RAPGEF6: variants seen among roughly 807,000 people sequenced by gnomAD.
The protein encoded by RAPGEF6 is PDZ domain containing guanine nucleotide exchange factor (GEF) 2.
In RAPGEF6, 56 loss-of-function variants were observed where a neutral mutation model predicts 171.4. The observed-to-expected ratio is 0.33, with a 90% CI of 0.26 to 0.41. The LOEUF (loss-of-function observed/expected upper bound fraction) is 0.41. RAPGEF6 is among the 10% of genes least tolerant of loss of function. RAPGEF6 has a pLI of 1.00. For missense variants in RAPGEF6, 1,674 were observed against 1,921.4 expected (o/e 0.87, Z 2.41); for synonymous variants, 692 against 650.1 (o/e 1.06, Z -0.98).
Position 131,504,681 on chromosome 5 carries a change from T to G in RAPGEF6, c.1199A>C (p.His400Pro). 6.2e-7 allele frequency: 1 copy of G among 1,614,034 alleles called. No homozygotes were observed. Residue 400 changes from histidine (H) to proline (P), a missense_variant, in exon 11 of 28, where the codon CAT (histidine) becomes CCT (proline). His to Pro is a moderately conservative substitution (Grantham distance 77). This residue lies in a region of RAPGEF6 where 1,116 missense variants were observed against 1,321.5 expected (regional missense o/e 0.84). Transcript: ENST00000509018. The stretch of plus-strand genomic sequence containing the variant: ...ACTCCGGTCTAGTTCCCGATGCTCA[T>G]GTACCATAACAATTTCTCCCTCTTC... Reference protein sequence around the residue: ...VEEEGEIVMVHEHRELDRSGT... With the variant: ...VEEEGEIVMVPEHRELDRSGT...
At chr5:131,493,307 G>A (rs1483863064) in intron 13 of RAPGEF6, among the ~76,000 whole-genome samples, 3 of 152,002 alleles carry the variant, frequency 2.0e-5, no homozygotes, top group African/African-American at 7.2e-5. Flanking sequence ...CTCGTGATCC[G>A]CCTGTCTCGG....
rs1752246209 is a variant in RAPGEF6 at position 131,439,562 on chromosome 5, T to C, written c.3745+19A>G. The C allele has an allele frequency of 6.3e-7, 1 of 1,595,628 alleles. No individual in the cohort carries two copies. ...ATTGTTTAGTTTAACAAGAACTAGT[T>C]TGAAATGTTTTGTCTTACCTTTGTG... On this transcript the variant is annotated intron_variant, in intron 24 of 27. Coordinates refer to ENST00000509018, the MANE Select transcript of RAPGEF6 (RefSeq NM_016340.6).
Position 131,424,357 on chromosome 5 carries a change from T to C in RAPGEF6, c.*2909A>G, listed in dbSNP as rs1311377340. 1 of 152,376 alleles carries C rather than the reference T, an allele frequency of 6.6e-6. No individual in the cohort carries two copies. Among genetic ancestry groups the C allele is most frequent in the Non-Finnish European group, 1.5e-5 (1 of 68,034 alleles). 9.4% of individuals were successfully genotyped at this position (152,376 alleles called of 1,614,324 possible). A position where few individuals can be genotyped will look rare whatever the true frequency, so the allele number is the denominator to read the frequency against. ...TGTACTGTGACACTTTTGACACTTT[T>C]CTGAAGATTTATCCCGTTTTTCTAG... is the stretch of plus-strand genomic sequence containing the variant. On this transcript the variant is annotated 3_prime_UTR_variant, in exon 28 of 28. Coordinates refer to ENST00000509018, the MANE Select transcript of RAPGEF6 (RefSeq NM_016340.6).
chr5:131,486,453 G>A (rs983728766), intron 15 of RAPGEF6, among the ~76,000 whole-genome samples: 18 of 152,196 alleles, frequency 1.2e-4, no homozygotes, highest in Admixed American at 3.3e-4. Flanking sequence ...TCAGCTCATA[G>A]TGAGGCCTTT....
intron 1 of RAPGEF6, among the ~76,000 whole-genome samples, chr5:131,621,069 A>G (rs1765565039): frequency 6.6e-6 from 1 of 152,204 alleles, no homozygotes; most frequent in Non-Finnish European, 1.5e-5. Context: ...TTGCATGTAC[A>G]TACCATACGT....
intron 6 of RAPGEF6, among the ~76,000 whole-genome samples, chr5:131,527,743 C>T (rs1449838451): frequency 1.3e-5 from 2 of 152,004 alleles, no homozygotes; most frequent in Non-Finnish European, 2.9e-5. Context: ...GGGCCAGGCG[C>T]GATGGCTCAC....
intron 11 of RAPGEF6, among the ~76,000 whole-genome samples, chr5:131,500,618 A>G (rs1459981180): frequency 6.6e-6 from 1 of 152,106 alleles, no homozygotes; most frequent in African/African-American, 2.4e-5. Flanking sequence ...ATATTATGCA[A>G]TTTTATATAG....
chr5:131,458,203 G>A (rs1393952271), intron 19 of RAPGEF6, among the ~76,000 whole-genome samples: 1 of 152,156 alleles, frequency 6.6e-6, no homozygotes, highest in Admixed American at 6.5e-5. Context: ...ATCCCCACAT[G>A]TCAGGGGAAG....
intron 7 of RAPGEF6, among the ~76,000 whole-genome samples, chr5:131,513,480 T>C (rs1757874514): frequency 1.3e-5 from 2 of 152,216 alleles, no homozygotes; most frequent in South Asian, 4.1e-4. Context: ...TTTTAGATTA[T>C]GTTGGATAAA....
chr5:131,507,943 CA>C, intron 9 of RAPGEF6, 127 bp downstream of exon 9: 1 of 872,262 alleles, frequency 1.1e-6, no homozygotes. Flanking sequence ...TCAAACTTGG[CA>C]TTTATTTAAG....
chr5:131,533,760 C>A (rs1313834672), intron 6 of RAPGEF6, among the ~76,000 whole-genome samples: 1 of 151,982 alleles, frequency 6.6e-6, no homozygotes, highest in East Asian at 1.9e-4. Flanking sequence ...TAGCCCAATG[C>A]TGAATTCCTA....
At chr5:131,485,170 T>C (rs1039056093) in intron 15 of RAPGEF6, among the ~76,000 whole-genome samples, 1 of 152,000 alleles carries the variant, frequency 6.6e-6, no homozygotes, top group African/African-American at 2.4e-5. Context: ...CAAGTGATCC[T>C]CCCGCCTCAG....
intron 5 of RAPGEF6, among the ~76,000 whole-genome samples, chr5:131,554,980 A>C (rs1425720503): frequency 6.6e-6 from 1 of 152,234 alleles, no homozygotes; most frequent in Non-Finnish European, 1.5e-5. Context: ...AAAAGCACAT[A>C]ATGTGGTGAA....
chr5:131,616,372 T>A (rs1236454230), intron 1 of RAPGEF6, among the ~76,000 whole-genome samples: 1 of 152,214 alleles, frequency 6.6e-6, no homozygotes, highest in Non-Finnish European at 1.5e-5. Flanking sequence ...AAACAAGTAA[T>A]TACTAATTTA....
chr5:131,587,330 G>C (rs938120844), intron 4 of RAPGEF6, among the ~76,000 whole-genome samples: 9 of 152,152 alleles, frequency 5.9e-5, no homozygotes, highest in African/African-American at 1.9e-4. Flanking sequence ...CTCAACTAAG[G>C]TATACATATC....
At chr5:131,590,957 T>C (rs1329177307) in intron 4 of RAPGEF6, among the ~76,000 whole-genome samples, 1 of 152,064 alleles carries the variant, frequency 6.6e-6, no homozygotes, top group African/African-American at 2.4e-5. Flanking sequence ...GTTTCACAAA[T>C]ACAGGGAAAA....
At chr5:131,472,864 G>T in intron 16 of RAPGEF6, 120 bp from the exon 17 acceptor site, 3 of 803,510 alleles carry the variant, frequency 3.7e-6, no homozygotes, top group Non-Finnish European at 5.7e-6. Flanking sequence ...TTAAACAACT[G>T]AAATACTACA....
intron 9 of RAPGEF6, among the ~76,000 whole-genome samples, chr5:131,507,193 G>C (rs1757427862): frequency 6.8e-6 from 1 of 147,330 alleles, no homozygotes; most frequent in Non-Finnish European, 1.5e-5. Context: ...TATATAGTAT[G>C]AAATTATGTA....
intron 4 of RAPGEF6, among the ~76,000 whole-genome samples, chr5:131,577,077 C>T (rs930160783): frequency 8.5e-5 from 13 of 152,294 alleles, no homozygotes; most frequent in African/African-American, 2.6e-4. Flanking sequence ...TGGGTAGATA[C>T]ATTCACTGGA....
Sources: allele counts gnomAD v4.1 joint callset (sites outside exome capture counted in the v4.1 genomes callset), GRCh38; gene constraint gnomAD v4.1.1; regional missense constraint gnomAD v4.1.1; transcripts MANE v1.5; gene names NCBI Gene and HGNC (gene_info 2026-07-23, HGNC 2026-07-21).